Variants in NEK11 observed in about 807,000 individuals in gnomAD.
NEK11 encodes NIMA related kinase 11.
In NEK11, 72 loss-of-function variants were observed where a neutral mutation model predicts 80.7. The observed-to-expected ratio is 0.89, with a 90% CI of 0.74 to 1.08. The LOEUF is 1.08. Ranked by LOEUF, NEK11 falls within the 50% of genes least tolerant of loss-of-function variation. The pLI, the probability that NEK11 is intolerant of heterozygous loss-of-function variation, is 0.00. For missense variants in NEK11, 764 were observed against 763.6 expected, an observed-to-expected ratio of 1.00 and a Z score of -0.01; for synonymous variants, 251 against 260.7, an observed-to-expected ratio of 0.96 and a Z score of 0.36.
intron 17 of NEK11, among the ~76,000 whole-genome samples, chr3:131,301,542 T>A (rs1045461461): frequency 1.6e-4 from 25 of 152,038 alleles, no homozygotes; most frequent in African/African-American, 2.4e-5. Context: ...TTTTGAGATA[T>A]GTTCCTTCAA....
intron 7 of NEK11, among the ~76,000 whole-genome samples, chr3:131,137,947 A>G (rs2085951479): frequency 6.6e-6 from 1 of 152,206 alleles, no homozygotes; most frequent in African/African-American, 2.4e-5. Context: ...GCAATTCATA[A>G]TAATCACATC....
intron 17 of NEK11, among the ~76,000 whole-genome samples, chr3:131,290,727 CTG>C (rs780139162): frequency 3.3e-5 from 5 of 152,204 alleles, no homozygotes; most frequent in South Asian, 2.1e-4. Flanking sequence ...ATGCCAAACT[CTG>C]TAAGATCAGA....
intron 7 of NEK11, among the ~76,000 whole-genome samples, chr3:131,144,959 T>A (rs1206997786): frequency 6.6e-6 from 1 of 152,168 alleles, no homozygotes. Flanking sequence ...AGGCTATGAA[T>A]CTAATTGTTC....
chr3:131,159,653 T>C (rs1197671370), intron 10 of NEK11, among the ~76,000 whole-genome samples: 2 of 152,010 alleles, frequency 1.3e-5, no homozygotes, highest in Admixed American at 1.3e-4. Context: ...TAATCCCAGT[T>C]ACCAAGGAGG....
chr3:131,217,235 A>T (rs1194400625), intron 14 of NEK11, among the ~76,000 whole-genome samples: 2 of 152,240 alleles, frequency 1.3e-5, no homozygotes, highest in Non-Finnish European at 1.5e-5. Flanking sequence ...AAGTTTTGAG[A>T]TGGATAAAAT....
At chr3:131,336,355 C>T (rs1313557411) in intron 17 of NEK11, among the ~76,000 whole-genome samples, 1 of 152,202 alleles carries the variant, frequency 6.6e-6, no homozygotes, top group African/African-American at 2.4e-5. Flanking sequence ...CTGAGAAAAA[C>T]AAGCAATGGA....
intron 5 of NEK11, among the ~76,000 whole-genome samples, chr3:131,115,943 T>G (rs565924169): frequency 2.0e-4 from 24 of 120,128 alleles, no homozygotes; most frequent in African/African-American, 6.9e-4. Flanking sequence ...TCTTTCTTTC[T>G]TTCTTTCTTT....
Position 131,195,793 on chromosome 3 carries a change from AATATATAT to A in NEK11, c.1399+24926_1399+24933del, listed in dbSNP as rs58272752. Among the ~76,000 whole-genome samples the A allele has an allele frequency of 1.0e-3, 139 of 133,890 alleles. 1 individual carries two copies. The highest frequency in any genetic ancestry group is 4.0e-3 in the African/African-American group (128 of 32,166). 87.8% of individuals were successfully genotyped at this position (133,890 alleles called of 152,430 possible). A position where few individuals can be genotyped will look rare whatever the true frequency, so the allele number is the denominator to read the frequency against. On this transcript the variant is annotated intron_variant, in intron 14 of 17. Transcript: ENST00000383366. Reference sequence around the variant, plus strand: ...TATATATAAAGAATATATATTTCAGAATATATATATATATATATATATATATAAAATTG... The same window carrying A: ...TATATATAAAGAATATATATTTCAGAATATATATATATATATATAAAATTG...
At chr3:131,297,138 T>G (rs2096602993) in intron 17 of NEK11, among the ~76,000 whole-genome samples, 1 of 152,202 alleles carries the variant, frequency 6.6e-6, no homozygotes, top group Non-Finnish European at 1.5e-5. Flanking sequence ...ACATGTGTCT[T>G]TATAGCAGCA....
intron 14 of NEK11, among the ~76,000 whole-genome samples, chr3:131,184,951 T>C (rs2150212188): frequency 6.6e-6 from 1 of 152,298 alleles, no homozygotes; most frequent in African/African-American, 2.4e-5. Context: ...CATCCTTTAA[T>C]AGAAGGGTCA....
intron 3 of NEK11, among the ~76,000 whole-genome samples, chr3:131,034,166 T>G (rs1256455785): frequency 6.6e-6 from 1 of 152,230 alleles, no homozygotes; most frequent in African/African-American, 2.4e-5. Flanking sequence ...GCATGTAATT[T>G]AATAGAAAAG....
intron 3 of NEK11, among the ~76,000 whole-genome samples, chr3:131,040,021 A>G (rs184830319): frequency 1.2e-5 from 1 of 85,970 alleles, no homozygotes; most frequent in Admixed American, 1.1e-4. Context: ...TGTTGGCACC[A>G]GAGTTCTAAA....
chr3:131,325,300 A>ACCATTTACTTAAAGTGTAAGGACAT, intron 17 of NEK11: 1 of 152,076 alleles, frequency 6.6e-6, no homozygotes, highest in East Asian at 1.9e-4. Context: ...AATAACTTAT[A>ACCATTTACTTAAAGTGTAAGGACAT]CCATTTACTT....
At chr3:131,032,679 T>C (rs982411952) in intron 3 of NEK11, among the ~76,000 whole-genome samples, 1 of 152,236 alleles carries the variant, frequency 6.6e-6, no homozygotes, top group Non-Finnish European at 1.5e-5. Flanking sequence ...GAAGTCTACA[T>C]TCTGTACATT....
At chr3:131,130,500 T>G (rs372752011) in intron 5 of NEK11, among the ~76,000 whole-genome samples, 3 of 152,170 alleles carry the variant, frequency 2.0e-5, no homozygotes, top group African/African-American at 7.2e-5. Flanking sequence ...GAGGGGACAT[T>G]TTTCCCTTGT....
intron 17 of NEK11, among the ~76,000 whole-genome samples, chr3:131,341,310 T>C (rs1156447532): frequency 6.6e-6 from 1 of 152,258 alleles, no homozygotes; most frequent in East Asian, 1.9e-4. Context: ...GAATGTATTA[T>C]TTTAAAATTT....
intron 16 of NEK11, among the ~76,000 whole-genome samples, chr3:131,271,460 T>A (rs964043959): frequency 6.6e-6 from 1 of 152,148 alleles, no homozygotes; most frequent in African/African-American, 2.4e-5. Flanking sequence ...AAAAGGAGGA[T>A]GTATGTGAGA....
intron 3 of NEK11, among the ~76,000 whole-genome samples, chr3:131,066,007 T>C (rs1445797767): frequency 6.6e-6 from 1 of 152,200 alleles, no homozygotes; most frequent in East Asian, 1.9e-4. Context: ...TTTGACCAGC[T>C]ATGAATCCAC....
chr3:131,344,665 C>G (rs1352087870), intron 17 of NEK11, among the ~76,000 whole-genome samples: 1 of 152,198 alleles, frequency 6.6e-6, no homozygotes, highest in Non-Finnish European at 1.5e-5. Flanking sequence ...CCTGTACAAG[C>G]ATAGCACCAA....
Sources: gnomAD v4.1 joint callset for allele counts (sites outside exome capture counted in the v4.1 genomes callset) on GRCh38, gnomAD v4.1.1 for gene constraint, MANE v1.5 for transcripts, NCBI Gene and HGNC (gene_info 2026-07-23, HGNC 2026-07-21) for gene names.